The following ZMAT4 variants were observed in gnomAD, a reference collection of about 807,000 sequenced individuals.
The protein encoded by ZMAT4 is zinc finger matrin-type protein 4.
A neutral mutation model predicts 28.7 loss-of-function variants in ZMAT4; 17 were observed. The observed-to-expected ratio is 0.59, with a 90% confidence interval of 0.41 to 0.89. ZMAT4 has a LOEUF of 0.89. Among genes scored for constraint, ZMAT4 ranks in the 40% least tolerant of loss-of-function variants. The pLI, the probability that ZMAT4 is intolerant of heterozygous loss-of-function variation, is 0.00. For missense variants in ZMAT4, 240 were observed against 283.8 expected (o/e 0.85, Z 1.11); for synonymous variants, 117 against 109.2 (o/e 1.07, Z -0.44).
At chr8:40,834,103 C>T (rs1179702412) in intron 1 of ZMAT4, among the ~76,000 whole-genome samples, 2 of 152,202 alleles carry the variant, frequency 1.3e-5, no homozygotes, top group African/African-American at 2.4e-5. Context: ...TTCTTTGATT[C>T]CTGACTCAGA....
At chr8:40,820,903 T>TTCTGTGTA (rs1563507428) in intron 2 of ZMAT4, among the ~76,000 whole-genome samples, 1 of 27,824 alleles carries the variant, frequency 3.6e-5, no homozygotes, top group African/African-American at 1.3e-4. Context: ...ATGTGTGTGT[T>TTCTGTGTA]TGTGTGTATG....
At chr8:40,591,846 T>A (rs1295135453) in intron 5 of ZMAT4, among the ~76,000 whole-genome samples, 1 of 152,162 alleles carries the variant, frequency 6.6e-6, no homozygotes, top group Non-Finnish European at 1.5e-5. Flanking sequence ...CTATGAGCTC[T>A]TTTTACAGAT....
chr8:40,799,909 G>C (rs1290916305), intron 2 of ZMAT4, among the ~76,000 whole-genome samples: 1 of 151,914 alleles, frequency 6.6e-6, no homozygotes, highest in Admixed American at 6.6e-5. Flanking sequence ...CTGTAGTCCA[G>C]GCAATAAAAA....
intron 5 of ZMAT4, among the ~76,000 whole-genome samples, chr8:40,640,256 G>A (rs1278317381): frequency 6.6e-6 from 1 of 152,212 alleles, no homozygotes; most frequent in Admixed American, 6.5e-5. Flanking sequence ...GAGATTACAG[G>A]TGTGAACCAC....
chr8:40,769,420 T>G (rs756635310), intron 2 of ZMAT4, among the ~76,000 whole-genome samples: 96 of 152,224 alleles, frequency 6.3e-4, no homozygotes, highest in Non-Finnish European at 1.2e-3. Context: ...ATTTGCAGCT[T>G]ACTAACATCT....
intron 5 of ZMAT4, among the ~76,000 whole-genome samples, chr8:40,664,584 C>T (rs141787746): frequency 3.9e-5 from 6 of 152,294 alleles, no homozygotes; most frequent in East Asian, 1.9e-4. Flanking sequence ...CCTCCAGCCT[C>T]GTTCAAGCTT....
chr8:40,562,802 G>GC (rs1026882389), intron 6 of ZMAT4, among the ~76,000 whole-genome samples: 4 of 152,126 alleles, frequency 2.6e-5, no homozygotes, highest in African/African-American at 9.6e-5. Flanking sequence ...TTCTTGAAAT[G>GC]TTTTTTTCTC....
chr8:40,623,405 A>G (rs780764333), intron 5 of ZMAT4, among the ~76,000 whole-genome samples: 4 of 152,250 alleles, frequency 2.6e-5, no homozygotes, highest in Non-Finnish European at 4.4e-5. Context: ...GTGAAGATTG[A>G]AAAGAGAGAA....
intron 3 of ZMAT4, among the ~76,000 whole-genome samples, chr8:40,750,779 G>C (rs1488430591): frequency 1.3e-5 from 2 of 152,228 alleles, no homozygotes; most frequent in Non-Finnish European, 2.9e-5. Flanking sequence ...CATGTCTGGA[G>C]ATTCCTGGCC....
chr8:40,833,839 CT>C (rs1430738477), intron 1 of ZMAT4, among the ~76,000 whole-genome samples: 3 of 152,144 alleles, frequency 2.0e-5, no homozygotes, highest in Admixed American at 2.0e-4. Flanking sequence ...TTGAGGCTGT[CT>C]TTCCCATTCC....
At chr8:40,612,446 C>T (rs536474383) in intron 5 of ZMAT4, among the ~76,000 whole-genome samples, 2 of 138,110 alleles carry the variant, frequency 1.4e-5, no homozygotes, top group South Asian at 4.6e-4. Context: ...CCCTGGCTTC[C>T]CATGCACACA....
At chr8:40,656,979 T>G (rs1260275887) in intron 5 of ZMAT4, among the ~76,000 whole-genome samples, 1 of 152,190 alleles carries the variant, frequency 6.6e-6, no homozygotes, top group Non-Finnish European at 1.5e-5. Context: ...AAATGTATAC[T>G]TCAAAATGGT....
intron 5 of ZMAT4, among the ~76,000 whole-genome samples, chr8:40,651,204 A>C (rs920260737): frequency 8.5e-5 from 13 of 152,112 alleles, no homozygotes; most frequent in East Asian, 3.9e-4. Context: ...AAATCTCCTT[A>C]AGCTGATAAG....
In ZMAT4 at chr8:40,759,964, A is replaced by G. The variant is rs569999492; in HGVS notation, c.192+7677T>C. 5.3e-5 allele frequency among the ~76,000 whole-genome samples: 8 copies of G among 152,268 alleles called. No individual in the cohort carries two copies. The East Asian group carries it at 1.5e-3, about 29-fold the overall frequency. On this transcript the variant is annotated intron_variant, in intron 3 of 6. Coordinates refer to ENST00000297737, the MANE Select transcript of ZMAT4 (RefSeq NM_024645.3). ...ATAATTAACTGAACTATCTGTCCCC[A>G]CTAACAAATCTGGACAAAATGCCCA...
At chr8:40,583,260 C>T (rs1011507) in intron 5 of ZMAT4, among the ~76,000 whole-genome samples, 33,663 of 152,072 alleles carry the variant, frequency 0.22, 4,411 homozygotes, top group Non-Finnish European at 0.3. Flanking sequence ...TGTTATCTTC[C>T]CTGGTGGCAA....
chr8:40,867,186 G>A (rs1174041382), intron 1 of ZMAT4, among the ~76,000 whole-genome samples: 1 of 152,060 alleles, frequency 6.6e-6, no homozygotes, highest in Admixed American at 6.5e-5. Context: ...GCTTTCTTGG[G>A]CCACATTGGA....
chr8:40,558,469 G>T (rs1199718130), intron 6 of ZMAT4, among the ~76,000 whole-genome samples: 1 of 152,092 alleles, frequency 6.6e-6, no homozygotes, highest in Admixed American at 6.5e-5. Context: ...GATTTGAGGC[G>T]TGTGGAGGTG....
intron 4 of ZMAT4, among the ~76,000 whole-genome samples, chr8:40,677,444 T>C (rs1438750560): frequency 2.0e-5 from 3 of 152,194 alleles, no homozygotes; most frequent in Non-Finnish European, 2.9e-5. Flanking sequence ...GGGACTCCAC[T>C]ATCAGTGAGC....
chr8:40,872,861 T>C lies in ZMAT4; in HGVS notation c.-5+24822A>G, dbSNP rs114692762. On this transcript the variant is annotated intron_variant, in intron 1 of 6. Coordinates refer to ENST00000297737, the MANE Select transcript of ZMAT4 (RefSeq NM_024645.3). ...AGTTTTTGTCAGCTGTTTTGGAATT[T>C]AAAGGGAAAGAAGTGCTATTCCACA... 5.1e-3 allele frequency among the ~76,000 whole-genome samples: 773 copies of C among 152,182 alleles called. 7 individuals are homozygous for C. The highest frequency in any genetic ancestry group is 0.018 in the African/African-American group (732 of 41,504).
Sources: gnomAD v4.1 joint callset for allele counts (sites outside exome capture counted in the v4.1 genomes callset) on GRCh38, gnomAD v4.1.1 for gene constraint, MANE v1.5 for transcripts, NCBI Gene and HGNC (gene_info 2026-07-23, HGNC 2026-07-21) for gene names.